The following FBRS variants were observed in gnomAD, a reference collection of about 807,000 sequenced individuals.
FBRS encodes the protein probable fibrosin-1.
A neutral mutation model predicts 86.1 loss-of-function variants in FBRS; 15 were observed. That is an observed-to-expected ratio of 0.17 (90% CI 0.12 to 0.27). The LOEUF is 0.27. FBRS is among the 10% of genes least tolerant of loss of function. The probability of loss-of-function intolerance (pLI) is 1.00; values close to 1 mark genes in which losing one functional copy is unlikely to be tolerated. For synonymous variants in FBRS, 666 were observed against 575.8 expected (o/e 1.16, Z -2.24); for missense variants, 1,367 against 1,301.6 (o/e 1.05, Z -0.77).
chr16:30,661,641 T>C (rs988477724), intron 4 of FBRS, among the ~76,000 whole-genome samples: 4 of 152,142 alleles, frequency 2.6e-5, no homozygotes, highest in African/African-American at 7.2e-5. Context: ...GGCACTGAGA[T>C]GGGCCTTCTT....
In FBRS at chr16:30,662,432, G is replaced by C; in HGVS notation, c.718G>C (p.Asp240His). The change falls in exon 5 of 18, where the codon GAC becomes CAC. Residue 240 changes from aspartate (D) to histidine (H), a missense_variant. This residue lies in a region of FBRS where 702 missense variants were observed against 598.7 expected (regional missense o/e 1.17). Coordinates refer to ENST00000356166, the MANE Select transcript of FBRS (RefSeq NM_001105079.3). ...CCTTCTTCCCCAGGTCTCCGATGAT[G>C]ACCTCGACCCATCCTTTACTGTCTC... is the stretch of plus-strand genomic sequence containing the variant. The part of the protein sequence containing the change: ...SDLDERVSDD[D>H]LDPSFTVSTS... 1.9e-6 allele frequency: 3 copies of C among 1,550,610 alleles called. No homozygotes were observed. Among genetic ancestry groups the C allele is most frequent in the Non-Finnish European group, 2.6e-6 (3 of 1,147,004 alleles).
Position 30,669,569 on chromosome 16 carries a change from C to T in FBRS, c.2867C>T (p.Ala956Val). The T allele has an allele frequency of 1.2e-6, 2 of 1,612,566 alleles. No individual in the cohort carries two copies. The highest frequency in any genetic ancestry group is 1.7e-6 in the Non-Finnish European group (2 of 1,179,794). The stretch of plus-strand genomic sequence containing the variant: ...ACCCCACCGGGAGCCCTTTTGGGGG[C>T]ACCACCTCCGCTTGTGCCCGCCCCC... The part of the protein sequence containing the change: ...SKTPPGALLG[A>V]PPPLVPAPRP... Residue 956 changes from alanine (A) to valine (V), a missense_variant, in exon 18 of 18, where the codon GCA (alanine) becomes GTA (valine). Physicochemically the swap from Ala to Val is moderately conservative, Grantham distance 64. Transcript: ENST00000356166. This position sits in a 1 kb window ranked among gnomAD's most constrained non-coding sequence, Gnocchi z 5.9.
intron 4 of FBRS, chr16:30,662,190 C>T (rs2052470390): frequency 1.6e-6 from 1 of 611,960 alleles, no homozygotes; most frequent in Non-Finnish European, 2.7e-6. Context: ...TCAACGCTGC[C>T]TCCATTTAGT....
intron 13 of FBRS, 58 bp downstream of exon 13, chr16:30,667,048 C>A: frequency 6.6e-7 from 1 of 1,515,640 alleles, no homozygotes; most frequent in Non-Finnish European, 9.0e-7. Context: ...GGACTGAGCT[C>A]TGGGCATTGG....
chr16:30,669,204 CGCTGCCGCT>C lies in FBRS; in HGVS notation c.2508_2516del (p.Ala847_Ala849del). On this transcript the variant is annotated inframe_deletion, in exon 18 of 18. Coordinates refer to ENST00000356166, the MANE Select transcript of FBRS (RefSeq NM_001105079.3). This position sits in a 1 kb window ranked among gnomAD's most constrained non-coding sequence, Gnocchi z 5.9. The stretch of plus-strand genomic sequence containing the variant: ...AGCGGAAGGAGGAGGCTGCCGCCGC[CGCTGCCGCT>C]GCTGCTGCCGCCGCCGCTGCCGCCG... 1.3e-6 allele frequency: 2 copies of C among 1,544,270 alleles called. No individual in the cohort carries two copies. Among genetic ancestry groups the C allele is most frequent in the Non-Finnish European group, 8.7e-7 (1 of 1,143,398 alleles).
Position 30,659,836 on chromosome 16 carries a change from GGAGGAA to G in FBRS, c.324_329del (p.Glu114_Glu115del), listed in dbSNP as rs1258992458. On this transcript the variant is annotated inframe_deletion, in exon 1 of 18. Transcript: ENST00000356166. Reference sequence around the variant, plus strand: ...GGCCTGCCGGCTCGGGCAGCCGCGGGGAGGAAGAGGAGGAGGAGGAGGAGGAGGGGG... The same window carrying G: ...GGCCTGCCGGCTCGGGCAGCCGCGGGGAGGAGGAGGAGGAGGAGGAGGGGG... The G allele has an allele frequency of 1.2e-5, 18 of 1,527,976 alleles. No homozygotes were observed. Among genetic ancestry groups the G allele is most frequent in the East Asian group, 2.5e-5 (1 of 40,356 alleles). The allele number at this position is 1,527,976 out of a possible 1,614,324, so 94.7% of individuals were successfully genotyped here. A position where few individuals can be genotyped will look rare whatever the true frequency, so the allele number is the denominator to read the frequency against.
intron 15 of FBRS, 93 bp downstream of exon 15, chr16:30,667,715 A>G (rs1245141973): frequency 2.5e-6 from 3 of 1,176,900 alleles, no homozygotes; most frequent in Non-Finnish European, 3.5e-6. Flanking sequence ...AATGCAGGAT[A>G]GACCTGGTTC....
rs1465061218 is a variant in FBRS at position 30,659,071 on chromosome 16, C to G, written c.-448C>G. ...CCTCTTTGAGCCGGAGGACTTGAGA[C>G]ACTTTTAAAGGGGAGGTCTGCGTTT... is the stretch of plus-strand genomic sequence containing the variant. On this transcript the variant is annotated 5_prime_UTR_variant, in exon 1 of 18. Coordinates refer to ENST00000356166, the MANE Select transcript of FBRS (RefSeq NM_001105079.3). The G allele has an allele frequency of 2.0e-5, 3 of 152,220 alleles. No homozygotes were observed. The highest frequency in any genetic ancestry group is 7.2e-5 in the African/African-American group (3 of 41,422). The allele number at this position is 152,220 out of a possible 1,614,324, so 9.4% of individuals were successfully genotyped here.
chr16:30,659,806 G>GA lies in FBRS; in HGVS notation c.290dup (p.Arg98AlafsTer31). ...CTCGACCCCCGCGACCCCGAGCTCG[G>GA]AAGCGGCCTGCCGGCTCGGGCAGCC... On this transcript the variant is annotated frameshift_variant, in exon 1 of 18. Coordinates refer to ENST00000356166, the MANE Select transcript of FBRS (RefSeq NM_001105079.3). LOFTEE classifies it high-confidence loss of function. The GA allele has an allele frequency of 6.6e-7, 1 of 1,512,694 alleles. No individual in the cohort carries two copies. Among genetic ancestry groups the GA allele is most frequent in the Non-Finnish European group, 8.8e-7 (1 of 1,135,306 alleles). 93.7% of individuals were successfully genotyped at this position (1,512,694 alleles called of 1,614,324 possible). A position where few individuals can be genotyped will look rare whatever the true frequency, so the allele number is the denominator to read the frequency against.
Position 30,670,398 on chromosome 16 carries a change from A to C in FBRS, c.*753A>C. The C allele has an allele frequency of 2.8e-6, 1 of 355,542 alleles. No individual in the cohort carries two copies. Among genetic ancestry groups the C allele is most frequent in the Non-Finnish European group, 5.5e-6 (1 of 181,680 alleles). The allele number at this position is 355,542 out of a possible 1,614,324, so 22.0% of individuals were successfully genotyped here. A position where few individuals can be genotyped will look rare whatever the true frequency, so the allele number is the denominator to read the frequency against. On this transcript the variant is annotated 3_prime_UTR_variant, in exon 18 of 18. Coordinates refer to ENST00000356166, the MANE Select transcript of FBRS (RefSeq NM_001105079.3). The stretch of plus-strand genomic sequence containing the variant: ...CGGTTCCCCCAACATGTTCCCGTTC[A>C]CTCTGCCCCCACCCCCAAAGGCTCA...
In FBRS at chr16:30,665,420, C is replaced by T. The variant is rs2052511821; in HGVS notation, c.1704+19C>T. On this transcript the variant is annotated intron_variant, in intron 10 of 17. Transcript: ENST00000356166. This position sits in a 1 kb window ranked among gnomAD's most constrained non-coding sequence, Gnocchi z 4.1. ...GCCCAAGGTGAGCTCCCAATCCAGACACCACCACCGCCTACCATCTTGACA... is the reference window on the plus strand; with the variant it reads ...GCCCAAGGTGAGCTCCCAATCCAGATACCACCACCGCCTACCATCTTGACA... The T allele has an allele frequency of 7.1e-6, 11 of 1,554,722 alleles. No homozygotes were observed. The highest frequency in any genetic ancestry group is 9.6e-6 in the Non-Finnish European group (11 of 1,147,458).
At chr16:30,664,034 G>C (rs966328403) in intron 6 of FBRS, among the ~76,000 whole-genome samples, 181 bp from the exon 7 acceptor site, 2 of 152,144 alleles carry the variant, frequency 1.3e-5, no homozygotes, top group African/African-American at 4.8e-5. Context: ...AGGGGTTGCT[G>C]GGTGTGGGAG....
Position 30,669,682 on chromosome 16 carries a change from C to A in FBRS, c.*37C>A, listed in dbSNP as rs748144826. Reference sequence around the variant, plus strand: ...GGGGGTCGGGGCAAAGCTCCATCTCCCCTTCCTTTAACCAGGTCCTAGGGC... The same window carrying A: ...GGGGGTCGGGGCAAAGCTCCATCTCACCTTCCTTTAACCAGGTCCTAGGGC... On this transcript the variant is annotated 3_prime_UTR_variant, in exon 18 of 18. Coordinates refer to ENST00000356166, the MANE Select transcript of FBRS (RefSeq NM_001105079.3). This position sits in a 1 kb window ranked among gnomAD's most constrained non-coding sequence, Gnocchi z 5.9. The A allele has an allele frequency of 1.2e-5, 18 of 1,547,480 alleles. No homozygotes were observed. Among genetic ancestry groups the A allele is most frequent in the Non-Finnish European group, 1.5e-5 (17 of 1,155,082 alleles).
chr16:30,665,484 C>A lies in FBRS; in HGVS notation c.1704+83C>A. 2 of 1,449,688 alleles carry A rather than the reference C, an allele frequency of 1.4e-6. No homozygotes were observed. Among genetic ancestry groups the A allele is most frequent in the Non-Finnish European group, 9.5e-7 (1 of 1,054,702 alleles). The allele number at this position is 1,449,688 out of a possible 1,614,324, so 89.8% of individuals were successfully genotyped here. A position where few individuals can be genotyped will look rare whatever the true frequency, so the allele number is the denominator to read the frequency against. On this transcript the variant is annotated intron_variant, in intron 10 of 17. Coordinates refer to ENST00000356166, the MANE Select transcript of FBRS (RefSeq NM_001105079.3). This position sits in a 1 kb window ranked among gnomAD's most constrained non-coding sequence, Gnocchi z 4.1. ...CGGGTCCAAGCACCCTTCTCCCATT[C>A]CCCAAAGTCGTGCCCATCCTCCTGC... is the stretch of plus-strand genomic sequence containing the variant.
At chr16:30,664,631 G>A (rs955257479) in intron 7 of FBRS, 84 bp from the exon 8 acceptor site, 10 of 1,440,780 alleles carry the variant, frequency 6.9e-6, no homozygotes, top group South Asian at 2.9e-5. Context: ...GGAGTGGCTC[G>A]AGGCCAGAGG....
At position 30,670,795 on chromosome 16, in the gene FBRS, G is replaced by A. The variant is rs528511504; in HGVS notation, c.*1150G>A. The A allele has an allele frequency of 6.4e-6, 1 of 156,998 alleles. No individual in the cohort carries two copies. The highest frequency in any genetic ancestry group is 1.4e-5 in the Non-Finnish European group (1 of 70,152). 9.7% of individuals were successfully genotyped at this position (156,998 alleles called of 1,614,324 possible). A position where few individuals can be genotyped will look rare whatever the true frequency, so the allele number is the denominator to read the frequency against. ...GACTTGCGAATATTTATATAAAAAC[G>A]AGTGTTACAATGAGACCCCCGGCTC... On this transcript the variant is annotated 3_prime_UTR_variant, in exon 18 of 18. Transcript: ENST00000356166.
At position 30,669,293 on chromosome 16, in the gene FBRS, C is replaced by CGGG. The variant is rs2052567346; in HGVS notation, c.2592_2593insGGG (p.Pro864_Pro865insGly). On this transcript the variant is annotated inframe_insertion, in exon 18 of 18. Coordinates refer to ENST00000356166, the MANE Select transcript of FBRS (RefSeq NM_001105079.3). The surrounding 1 kb of genome is among the most constrained non-coding windows in gnomAD (Gnocchi z 5.9). ...CACCTGCTGTTTGAGAGGCCCCGGC[C>CGGG]GCCCCCGTTTCTGGGCCCTAGCCCA... 1.3e-6 allele frequency: 2 copies of CGGG among 1,587,836 alleles called. No homozygotes were observed. Among genetic ancestry groups the CGGG allele is most frequent in the African/African-American group, 2.7e-5 (2 of 74,164 alleles).
chr16:30,664,407 A>T lies in FBRS; in HGVS notation c.1248A>T (p.Pro416=). 2 of 412,386 alleles carry T rather than the reference A, an allele frequency of 4.8e-6. No homozygotes were observed. The highest frequency in any genetic ancestry group is 5.9e-5 in the Admixed American group (1 of 17,008). The allele number at this position is 412,386 out of a possible 1,614,324, so 25.5% of individuals were successfully genotyped here. A position where few individuals can be genotyped will look rare whatever the true frequency, so the allele number is the denominator to read the frequency against. ...SFPPPGLRPP[P]PPHHPSLFSP... ...CCCCTCCCGGGCTGCGGCCCCCCCCACCACCCCACCACCCCTCCTTGTTCT... is the reference window on the plus strand; with the variant it reads ...CCCCTCCCGGGCTGCGGCCCCCCCCTCCACCCCACCACCCCTCCTTGTTCT... Residue 416 remains proline, a synonymous_variant, in exon 7 of 18, where the codon CCA becomes CCT. Coordinates refer to ENST00000356166, the MANE Select transcript of FBRS (RefSeq NM_001105079.3).
chr16:30,661,142 A>G, intron 2 of FBRS, 38 bp from the exon 3 acceptor site: 1 of 1,549,998 alleles, frequency 6.5e-7, no homozygotes, highest in Non-Finnish European at 8.7e-7. Context: ...CTGCCTCAGC[A>G]GCCGCCTCCC....
Sources: gnomAD v4.1 joint callset for allele counts (sites outside exome capture counted in the v4.1 genomes callset) on GRCh38, gnomAD v4.1.1 for gene constraint, gnomAD v4.1.1 regional missense constraint, Gnocchi (gnomAD v3.1) non-coding constraint, MANE v1.5 for transcripts, NCBI Gene and HGNC (gene_info 2026-07-23, HGNC 2026-07-21) for gene names.